The following NLGN1 variants were observed in gnomAD, a reference collection of about 807,000 sequenced individuals.
NLGN1 encodes neuroligin-1.
Under a neutral mutation model 65.5 loss-of-function variants are expected in NLGN1, and 12 were observed. The observed-to-expected ratio is 0.18, with a 90% confidence interval of 0.12 to 0.30. The LOEUF is 0.30. NLGN1 is among the 10% of genes least tolerant of loss of function. The probability of loss-of-function intolerance (pLI) is 1.00; values close to 1 mark genes in which losing one functional copy is unlikely to be tolerated. For missense variants in NLGN1, 750 were observed against 1,007.1 expected, an observed-to-expected ratio of 0.74 and a Z score of 3.46; for synonymous variants, 350 against 359.5, an observed-to-expected ratio of 0.97 and a Z score of 0.30.
At chr3:174,281,443 G>T in exon 7 of NLGN1, 1 of 628,234 alleles carries the variant, frequency 1.6e-6, no homozygotes, top group East Asian at 2.8e-5. Context: ...AACTTTGGGG[G>T]TTTTGAAAAA....
At chr3:174,096,846 G>T (rs908853451) in intron 4 of NLGN1, among the ~76,000 whole-genome samples, 4 of 151,964 alleles carry the variant, frequency 2.6e-5, no homozygotes, top group African/African-American at 9.7e-5. Flanking sequence ...CATGACAGTG[G>T]TATTTAGAAA....
chr3:173,644,518 C>A, intron 3 of NLGN1: 1 of 165,464 alleles, frequency 6.0e-6, no homozygotes, highest in South Asian at 1.8e-4. Flanking sequence ...TGCACCAGTT[C>A]AACACCTGCC....
At chr3:173,401,952 C>A (rs1403410755) in intron 1 of NLGN1, among the ~76,000 whole-genome samples, 1 of 152,046 alleles carries the variant, frequency 6.6e-6, no homozygotes, top group Non-Finnish European at 1.5e-5. Flanking sequence ...ACATATAGCG[C>A]TTCATAACAT....
chr3:173,416,361 G>A (rs1713799030), intron 1 of NLGN1, among the ~76,000 whole-genome samples: 1 of 152,144 alleles, frequency 6.6e-6, no homozygotes, highest in South Asian at 2.1e-4. Context: ...AGAATATGCA[G>A]CACCTCATTG....
Position 173,925,331 on chromosome 3 carries a change from GA to G in NLGN1, c.646+117507del, listed in dbSNP as rs1295017498. ...AGTTTTGGACTAATAACAGTTTGAG[GA>G]AAAAAAATAGTTCATTTAAAGAATT... On this transcript the variant is annotated intron_variant, in intron 4 of 6. Coordinates refer to ENST00000457714, the Ensembl canonical transcript of NLGN1. 2.6e-5 allele frequency among the ~76,000 whole-genome samples: 4 copies of G among 151,568 alleles called. No homozygotes were observed. In the East Asian group the frequency reaches 7.7e-4, roughly 29 times the overall value.
At chr3:173,632,446 C>A (rs1033650290) in intron 3 of NLGN1, among the ~76,000 whole-genome samples, 1 of 152,064 alleles carries the variant, frequency 6.6e-6, no homozygotes, top group Non-Finnish European at 1.5e-5. Context: ...GTGGAAGATG[C>A]CTGTAGTCAC....
At chr3:173,544,933 A>G (rs1312214647) in intron 2 of NLGN1, among the ~76,000 whole-genome samples, 1 of 152,180 alleles carries the variant, frequency 6.6e-6, no homozygotes, top group Non-Finnish European at 1.5e-5. Context: ...TAGGGTGTAA[A>G]TAACCAAAAA....
At chr3:174,037,952 G>A (rs1731493204) in intron 4 of NLGN1, among the ~76,000 whole-genome samples, 1 of 151,714 alleles carries the variant, frequency 6.6e-6, no homozygotes, top group Non-Finnish European at 1.5e-5. Flanking sequence ...GATGCAAAAA[G>A]GGCAGAGATG....
chr3:173,904,366 G>A (rs1737937495), intron 4 of NLGN1, among the ~76,000 whole-genome samples: 1 of 152,142 alleles, frequency 6.6e-6, no homozygotes, highest in Non-Finnish European at 1.5e-5. Flanking sequence ...AACATAGGAA[G>A]ATATCTCTAG....
At position 173,880,666 on chromosome 3, in the gene NLGN1, G is replaced by A. The variant is rs144624581; in HGVS notation, c.646+72834G>A. 2.0e-3 allele frequency among the ~76,000 whole-genome samples: 309 copies of A among 151,960 alleles called. 1 individual carries two copies. Among genetic ancestry groups the A allele is most frequent in the African/African-American group, 6.9e-3 (288 of 41,514 alleles). ...GAGACTTGTAAACTTTTTTGTTCTTGCCTAAACTAAGGCTCTTGCCTCAGT... is the reference window on the plus strand; with the variant it reads ...GAGACTTGTAAACTTTTTTGTTCTTACCTAAACTAAGGCTCTTGCCTCAGT... On this transcript the variant is annotated intron_variant, in intron 4 of 6. Coordinates refer to ENST00000457714, the Ensembl canonical transcript of NLGN1.
intron 3 of NLGN1, among the ~76,000 whole-genome samples, chr3:173,785,500 G>T (rs555632926): frequency 1.3e-5 from 2 of 152,086 alleles, no homozygotes; most frequent in South Asian, 4.2e-4. Flanking sequence ...AGTAGGGTGG[G>T]CATTTTTTGG....
chr3:173,978,331 G>C (rs1560765967), intron 4 of NLGN1, among the ~76,000 whole-genome samples: 1 of 152,050 alleles, frequency 6.6e-6, no homozygotes, highest in African/African-American at 2.4e-5. Context: ...CCACTAAGAT[G>C]AATAATAAAG....
intron 3 of NLGN1, among the ~76,000 whole-genome samples, chr3:173,774,909 C>A (rs1780080866): frequency 6.6e-6 from 1 of 151,938 alleles, no homozygotes; most frequent in South Asian, 2.1e-4. Flanking sequence ...CACATTTAAA[C>A]CCGATAAAAT....
intron 4 of NLGN1, among the ~76,000 whole-genome samples, chr3:173,960,820 G>C (rs1713368089): frequency 6.6e-6 from 1 of 150,704 alleles, no homozygotes; most frequent in South Asian, 2.1e-4. Flanking sequence ...AGTTCTAAAG[G>C]GTTTATCTTT....
chr3:173,420,016 A>AAAATAAG (rs1447149505), intron 1 of NLGN1, among the ~76,000 whole-genome samples: 11 of 151,646 alleles, frequency 7.3e-5, no homozygotes, highest in African/African-American at 2.7e-4. Flanking sequence ...ATAAAATAAT[A>AAAATAAG]GTGACCCCTG....
At chr3:174,198,353 T>C (rs1341347055) in intron 4 of NLGN1, among the ~76,000 whole-genome samples, 2 of 152,224 alleles carry the variant, frequency 1.3e-5, no homozygotes, top group Admixed American at 1.3e-4. Flanking sequence ...CCAGATACTC[T>C]GGATAGCCTG....
At chr3:173,408,269 T>C (rs1251733127) in intron 1 of NLGN1, among the ~76,000 whole-genome samples, 7 of 152,194 alleles carry the variant, frequency 4.6e-5, no homozygotes, top group Admixed American at 4.6e-4. Context: ...GATTTGATGA[T>C]TGCAAGACAG....
In NLGN1 at chr3:174,199,164, A is replaced by C. The variant is rs191239523; in HGVS notation, c.647-76151A>C. Among the ~76,000 whole-genome samples the C allele has an allele frequency of 1.2e-3, 179 of 152,176 alleles. 2 individuals carry two copies. Among genetic ancestry groups the C allele is most frequent in the African/African-American group, 4.3e-3 (177 of 41,534 alleles). On this transcript the variant is annotated intron_variant, in intron 4 of 6. Coordinates refer to ENST00000457714, the Ensembl canonical transcript of NLGN1. ...GCCCGTCCTGCATATTCTTATATTC[A>C]TTTTATGGAGCAGCTTTTCTGGGAG...
intron 4 of NLGN1, among the ~76,000 whole-genome samples, chr3:174,078,242 T>A (rs1021415796): frequency 3.9e-5 from 6 of 152,306 alleles, no homozygotes; most frequent in South Asian, 2.1e-4. Context: ...GACTAGTATG[T>A]GTGTCAGATT....
Sources: allele counts gnomAD v4.1 joint callset (sites outside exome capture counted in the v4.1 genomes callset), GRCh38; gene constraint gnomAD v4.1.1; transcripts MANE v1.5; gene names NCBI Gene and HGNC (gene_info 2026-07-23, HGNC 2026-07-21).